The following PSD3 variants were observed in gnomAD, a reference collection of about 807,000 sequenced individuals.
PSD3 encodes PH and SEC7 domain-containing protein 3.
A neutral mutation model predicts 105.5 loss-of-function variants in PSD3; 49 were observed. That is an observed-to-expected ratio of 0.46 (90% CI 0.37 to 0.59). The LOEUF is 0.59. PSD3 is among the 20% of genes least tolerant of loss of function. The pLI is 0.00. For synonymous variants in PSD3, 557 were observed against 457.8 expected (o/e 1.22, Z -2.77); for missense variants, 1,561 against 1,263.8 (o/e 1.24, Z -3.57).
intron 1 of PSD3, among the ~76,000 whole-genome samples, chr8:19,058,913 G>C (rs1828797406): frequency 6.6e-6 from 1 of 152,170 alleles, no homozygotes; most frequent in East Asian, 1.9e-4. Flanking sequence ...CCCAGGTGAG[G>C]TTAATTGAAG....
At chr8:18,845,278 G>C (rs907173764) in intron 4 of PSD3, among the ~76,000 whole-genome samples, 1 of 152,192 alleles carries the variant, frequency 6.6e-6, no homozygotes, top group African/African-American at 2.4e-5. Flanking sequence ...AGGATGGCGA[G>C]AGGAACGGCT....
At chr8:18,708,650 T>C (rs765841083) in intron 9 of PSD3, among the ~76,000 whole-genome samples, 3 of 152,130 alleles carry the variant, frequency 2.0e-5, no homozygotes, top group Non-Finnish European at 4.4e-5. Context: ...CTCTATTTTC[T>C]ACTGCATTTT....
chr8:18,575,384 CAAGT>C, intron 12 of PSD3, 99 bp from the exon 13 acceptor site: 1 of 1,143,860 alleles, frequency 8.7e-7, no homozygotes, highest in Non-Finnish European at 1.2e-6. Flanking sequence ...TTAGGAAATC[CAAGT>C]AAGTGAATGA....
chr8:18,692,146 G>A (rs1487302163), intron 9 of PSD3, among the ~76,000 whole-genome samples: 1 of 152,160 alleles, frequency 6.6e-6, no homozygotes, highest in Non-Finnish European at 1.5e-5. Flanking sequence ...CAAAACATCT[G>A]TTTAAATTCT....
chr8:18,538,759 GAAA>G (rs1286598977), intron 15 of PSD3, among the ~76,000 whole-genome samples: 2 of 152,174 alleles, frequency 1.3e-5, no homozygotes, highest in Non-Finnish European at 2.9e-5. Context: ...ATACATGAAG[GAAA>G]GCCATCTCAT....
At chr8:18,764,771 C>G (rs1183261922) in intron 9 of PSD3, among the ~76,000 whole-genome samples, 1 of 152,148 alleles carries the variant, frequency 6.6e-6, no homozygotes, top group Non-Finnish European at 1.5e-5. Flanking sequence ...AAAAAGACAA[C>G]TGTAAAAACC....
chr8:18,703,319 T>C (rs915397142), intron 9 of PSD3, among the ~76,000 whole-genome samples: 17 of 152,294 alleles, frequency 1.1e-4, no homozygotes, highest in Middle Eastern at 6.8e-3. Flanking sequence ...GATGAACCAA[T>C]GTCTCAGCAA....
At position 18,574,957 on chromosome 8, in the gene PSD3, TA is replaced by T. The variant is rs752129889; in HGVS notation, c.2639+170del. Among the ~76,000 whole-genome samples, 617 of 129,298 alleles carry T rather than the reference TA, an allele frequency of 4.8e-3. 4 individuals are homozygous for T. The highest frequency in any genetic ancestry group is 0.019 in the African/African-American group (578 of 30,170). The allele number at this position is 129,298 out of a possible 152,430, so 84.8% of individuals were successfully genotyped here. A position where few individuals can be genotyped will look rare whatever the true frequency, so the allele number is the denominator to read the frequency against. On this transcript the variant is annotated intron_variant, in intron 13 of 15. Coordinates refer to ENST00000327040, the MANE Select transcript of PSD3 (RefSeq NM_015310.4). Reference sequence around the variant, plus strand: ...GGTAAAAATGTAAATCCTGGGTTTCTATTTTTTTTTACTCTAATCTTCTTAG... The same window carrying T: ...GGTAAAAATGTAAATCCTGGGTTTCTTTTTTTTTTACTCTAATCTTCTTAG...
chr8:18,852,789 G>A (rs772275123), intron 4 of PSD3, among the ~76,000 whole-genome samples: 2 of 152,174 alleles, frequency 1.3e-5, no homozygotes, highest in Non-Finnish European at 2.9e-5. Context: ...GTCCTCACGT[G>A]CCTCACATAA....
intron 1 of PSD3, among the ~76,000 whole-genome samples, chr8:19,037,556 TG>T (rs1320312414): frequency 6.6e-6 from 1 of 152,206 alleles, no homozygotes; most frequent in Non-Finnish European, 1.5e-5. Flanking sequence ...ATATTCAAAT[TG>T]GTAGACTGAG....
At chr8:18,938,154 G>T (rs71510633) in intron 1 of PSD3, among the ~76,000 whole-genome samples, 188 of 152,322 alleles carry the variant, frequency 1.2e-3, no homozygotes, top group Admixed American at 2.4e-3. Flanking sequence ...ACTTTTAAAA[G>T]ATCATATGGG....
rs576923518 is a variant in PSD3, at chr8:18,933,919, T to C, written c.130+2115A>G. Among the ~76,000 whole-genome samples, 19 of 152,340 alleles carry C rather than the reference T, an allele frequency of 1.2e-4. No individual in the cohort carries two copies. The South Asian group carries it at 3.9e-3, about 32-fold the overall frequency. ...AAACAGCATAAATGGCTACAATACA[T>C]GTTAAGTATAAGAGATATACTACGA... On this transcript the variant is annotated intron_variant, in intron 2 of 15. Transcript: ENST00000327040.
At chr8:19,023,840 C>T (rs1434739401) in intron 1 of PSD3, among the ~76,000 whole-genome samples, 5 of 152,172 alleles carry the variant, frequency 3.3e-5, no homozygotes, top group Non-Finnish European at 5.9e-5. Context: ...ACCGGATAAA[C>T]GACAAATGAA....
chr8:18,918,872 G>A (rs187412705), intron 2 of PSD3, among the ~76,000 whole-genome samples: 7 of 152,122 alleles, frequency 4.6e-5, no homozygotes, highest in South Asian at 2.1e-4. Flanking sequence ...CCATTCAGTC[G>A]TCATTCATAA....
At chr8:19,074,855 T>TG (rs1829413122) in intron 1 of PSD3, among the ~76,000 whole-genome samples, 2 of 151,472 alleles carry the variant, frequency 1.3e-5, no homozygotes, top group Admixed American at 6.6e-5. Flanking sequence ...CTCCTGACCT[T>TG]GTGATCCGCC....
chr8:18,553,310 T>A (rs1166072142), intron 15 of PSD3, among the ~76,000 whole-genome samples: 2 of 152,114 alleles, frequency 1.3e-5, no homozygotes, highest in East Asian at 3.9e-4. Flanking sequence ...CTCCTCTTCC[T>A]GTCACTGCCC....
intron 1 of PSD3, among the ~76,000 whole-genome samples, chr8:18,954,323 TA>T (rs1307497191): frequency 6.6e-6 from 1 of 152,186 alleles, no homozygotes; most frequent in Non-Finnish European, 1.5e-5. Flanking sequence ...AGTAATGCTT[TA>T]AATTTCTATG....
intron 4 of PSD3, among the ~76,000 whole-genome samples, chr8:18,820,707 A>G (rs1563311015): frequency 6.6e-6 from 1 of 152,164 alleles, no homozygotes; most frequent in Non-Finnish European, 1.5e-5. Context: ...TGTGGAACCC[A>G]CAAATACAAC....
At chr8:18,723,074 CAAAG>C (rs1403372907) in intron 9 of PSD3, among the ~76,000 whole-genome samples, 6 of 152,072 alleles carry the variant, frequency 3.9e-5, no homozygotes, top group Admixed American at 3.9e-4. Context: ...TTGAGAAAAA[CAAAG>C]AAACAAACGA....
Sources: gnomAD v4.1 joint callset for allele counts (sites outside exome capture counted in the v4.1 genomes callset) on GRCh38, gnomAD v4.1.1 for gene constraint, MANE v1.5 for transcripts, NCBI Gene and HGNC (gene_info 2026-07-23, HGNC 2026-07-21) for gene names.